Variants in ALDH1L1 observed in about 807,000 individuals in gnomAD.
ALDH1L1 encodes cytosolic 10-formyltetrahydrofolate dehydrogenase.
Under a neutral mutation model 101.1 loss-of-function variants are expected in ALDH1L1, and 68 were observed. The ratio of observed to expected loss-of-function variants is 0.67; its 90% CI spans 0.55 to 0.82. The LOEUF (loss-of-function observed/expected upper bound fraction) is 0.82, where lower values mean the gene tolerates loss of function less well. ALDH1L1 is among the 40% of genes least tolerant of loss of function. ALDH1L1 has a pLI of 0.00. For missense variants in ALDH1L1, 1,087 were observed against 1,172.7 expected, an observed-to-expected ratio of 0.93 and a Z score of 1.07; for synonymous variants, 486 against 470.8, an observed-to-expected ratio of 1.03 and a Z score of -0.42.
chr3:126,121,126 C>T lies in ALDH1L1; in HGVS notation c.1889-3028G>A, dbSNP rs139990644. 1.2e-4 allele frequency among the ~76,000 whole-genome samples: 18 copies of T among 152,258 alleles called. No homozygotes were observed. In the East Asian group the frequency reaches 1.7e-3, roughly 15 times the overall value. ...AGACACCACATCTTCAGGGAAATGCCGTGTCAAGATGAAAGCACAGATCGG... is the reference window on the plus strand; with the variant it reads ...AGACACCACATCTTCAGGGAAATGCTGTGTCAAGATGAAAGCACAGATCGG... On this transcript the variant is annotated intron_variant, in intron 16 of 22. Transcript: ENST00000393434.
intron 1 of ALDH1L1, among the ~76,000 whole-genome samples, chr3:126,192,039 T>C (rs1359085271): frequency 6.6e-6 from 1 of 152,192 alleles, no homozygotes; most frequent in Non-Finnish European, 1.5e-5. Flanking sequence ...TGACTCTCTT[T>C]CTCAGCTAGA....
intron 17 of ALDH1L1, among the ~76,000 whole-genome samples, 175 bp downstream of exon 17, chr3:126,117,830 G>A (rs6792028): frequency 0.47 from 71,140 of 151,976 alleles, 17,691 homozygotes; most frequent in African/African-American, 0.65. Flanking sequence ...AGGCCTCCCC[G>A]GGGCTTTGCC....
At chr3:126,192,113 G>A (rs2081556589) in intron 1 of ALDH1L1, among the ~76,000 whole-genome samples, 1 of 152,194 alleles carries the variant, frequency 6.6e-6, no homozygotes. Context: ...GGGCACACTG[G>A]ACAATCAAGT....
At chr3:126,161,029 G>T in intron 1 of ALDH1L1, 27 bp from the exon 2 acceptor site, 1 of 1,610,816 alleles carries the variant, frequency 6.2e-7, no homozygotes, top group South Asian at 1.1e-5. Flanking sequence ...GCAGCAATTA[G>T]ACAGAGATCG....
intron 18 of ALDH1L1, among the ~76,000 whole-genome samples, chr3:126,113,487 G>A (rs1946145583): frequency 6.6e-6 from 1 of 152,176 alleles, no homozygotes; most frequent in Non-Finnish European, 1.5e-5. Context: ...GGAGACCCAG[G>A]GGAGGACGGA....
chr3:126,124,276 TCA>T, intron 16 of ALDH1L1, 86 bp downstream of exon 16: 4 of 1,229,698 alleles, frequency 3.3e-6, no homozygotes, highest in Non-Finnish European at 3.4e-6. Context: ...TACTCTGCCC[TCA>T]CGCCACTATC....
intron 22 of ALDH1L1, 171 bp downstream of exon 22, chr3:126,105,555 C>G: frequency 1.3e-6 from 1 of 756,058 alleles, no homozygotes; most frequent in Non-Finnish European, 2.3e-6. Context: ...CTGCAAGCAT[C>G]TTGCTCACGG....
At chr3:126,166,841 A>G (rs1160066906) in intron 1 of ALDH1L1, among the ~76,000 whole-genome samples, 1 of 152,196 alleles carries the variant, frequency 6.6e-6, no homozygotes, top group East Asian at 1.9e-4. Context: ...TGTATACACT[A>G]GCATTAGTTT....
intron 22 of ALDH1L1, chr3:126,104,062 G>A: frequency 1.7e-6 from 1 of 595,838 alleles, no homozygotes; most frequent in Non-Finnish European, 3.0e-6. Context: ...AAGCCAATCT[G>A]AGGCAGCCAT....
At chr3:126,124,627 CG>C (rs1559928741) in intron 15 of ALDH1L1, among the ~76,000 whole-genome samples, 176 bp from the exon 16 acceptor site, 1 of 152,146 alleles carries the variant, frequency 6.6e-6, no homozygotes, top group African/African-American at 2.4e-5. Flanking sequence ...CCTGCCCAGC[CG>C]GTGCGCCCAC....
intron 21 of ALDH1L1, among the ~76,000 whole-genome samples, chr3:126,106,439 G>A (rs1945873784): frequency 6.6e-6 from 1 of 152,202 alleles, no homozygotes; most frequent in South Asian, 2.1e-4. Flanking sequence ...CGGAGACAAG[G>A]GGCAGGCCTG....
At chr3:126,168,606 A>G (rs2081214900) in intron 1 of ALDH1L1, among the ~76,000 whole-genome samples, 1 of 152,166 alleles carries the variant, frequency 6.6e-6, no homozygotes, top group Non-Finnish European at 1.5e-5. Context: ...TTTAAATTTT[A>G]AACATATTTA....
At chr3:126,179,927 GCTGGGA>G (rs1274860350) in intron 1 of ALDH1L1, 1 of 152,198 alleles carries the variant, frequency 6.6e-6, no homozygotes, top group African/African-American at 2.4e-5. Context: ...AGTGGCTGGA[GCTGGGA>G]CTCCAGCGCA....
At chr3:126,175,106 A>G (rs76791596) in intron 1 of ALDH1L1, among the ~76,000 whole-genome samples, 1,528 of 152,282 alleles carry the variant, frequency 0.01, 27 homozygotes, top group African/African-American at 0.032. Flanking sequence ...ATAAAATACT[A>G]GTATGAACAA....
At chr3:126,117,933 C>A in intron 17 of ALDH1L1, 72 bp downstream of exon 17, 1 of 1,425,664 alleles carries the variant, frequency 7.0e-7, no homozygotes, top group Non-Finnish European at 9.7e-7. Flanking sequence ...GACACAGCTC[C>A]TGGGACAGCA....
At chr3:126,105,264 C>T (rs1356540047) in intron 22 of ALDH1L1, 2 of 272,520 alleles carry the variant, frequency 7.3e-6, no homozygotes. Flanking sequence ...AATCTGGCCC[C>T]TACCTGCCTC....
At chr3:126,159,312 AC>A in intron 2 of ALDH1L1, 1 of 405,496 alleles carries the variant, frequency 2.5e-6, no homozygotes, top group Non-Finnish European at 4.9e-6. Flanking sequence ...CACCCTCCTC[AC>A]AGGTCTGGAT....
intron 8 of ALDH1L1, 70 bp downstream of exon 8, chr3:126,150,336 G>A: frequency 6.6e-7 from 1 of 1,522,062 alleles, no homozygotes; most frequent in Non-Finnish European, 8.8e-7. Flanking sequence ...TCTGGGGAGT[G>A]TGATTTGCAG....
chr3:126,114,589 C>T lies in ALDH1L1; in HGVS notation c.2050G>A (p.Ala684Thr), dbSNP rs754618921. ...LGGKSPLIIF[A>T]DCDLNKAVQM... is the part of the protein sequence containing the mutation. ...ACAGCCTTGTTGAGGTCACAGTCAG[C>T]AAAGATGATGAGGGGTGACTTCCCG... Residue 684 changes from alanine to threonine, a missense_variant, in exon 18 of 23, where the codon GCT (alanine) becomes ACT (threonine). This residue lies in a region of ALDH1L1 where 442 missense variants were observed against 535.7 expected (regional missense o/e 0.83). Transcript: ENST00000393434. 2 of 1,510,860 alleles carry T rather than the reference C, an allele frequency of 1.3e-6. No individual in the cohort carries two copies. The highest frequency in any genetic ancestry group is 1.8e-6 in the Non-Finnish European group (2 of 1,129,472). The allele number at this position is 1,510,860 out of a possible 1,614,324, so 93.6% of individuals were successfully genotyped here.
Sources: gnomAD v4.1 joint callset for allele counts (sites outside exome capture counted in the v4.1 genomes callset) on GRCh38, gnomAD v4.1.1 for gene constraint, gnomAD v4.1.1 regional missense constraint, MANE v1.5 for transcripts, NCBI Gene and HGNC (gene_info 2026-07-23, HGNC 2026-07-21) for gene names.